The following RREB1 variants were observed in gnomAD, a reference collection of about 807,000 sequenced individuals.
The protein encoded by RREB1 is ras-responsive element-binding protein 1.
RREB1 carries 27 observed loss-of-function variants against 117.8 expected under a neutral mutation model. That is an observed-to-expected ratio of 0.23 (90% CI 0.17 to 0.32). RREB1 has a LOEUF of 0.32. Ranked by LOEUF, RREB1 falls within the 10% of genes least tolerant of loss-of-function variation. The pLI, the probability that RREB1 is intolerant of heterozygous loss-of-function variation, is 1.00. For synonymous variants in RREB1, 1,298 were observed against 1,026.7 expected (o/e 1.26, Z -5.05); for missense variants, 2,577 against 2,378.2 (o/e 1.08, Z -1.74).
intron 11 of RREB1, among the ~76,000 whole-genome samples, chr6:7,242,755 T>C (rs1027843183): frequency 6.6e-6 from 1 of 151,602 alleles, no homozygotes; most frequent in African/African-American, 2.4e-5. Flanking sequence ...TCTAGGCTTG[T>C]ATGCCTAGGT....
chr6:7,191,347 C>G (rs1194972490), intron 6 of RREB1, among the ~76,000 whole-genome samples: 1 of 151,992 alleles, frequency 6.6e-6, no homozygotes, highest in Non-Finnish European at 1.5e-5. Flanking sequence ...AAATATGATA[C>G]ATTTTACTTA....
chr6:7,116,734 A>G (rs1006155012), intron 1 of RREB1, among the ~76,000 whole-genome samples: 3 of 152,240 alleles, frequency 2.0e-5, no homozygotes, highest in African/African-American at 7.2e-5. Context: ...TTTGGTGGGA[A>G]AGAATTTTGA....
chr6:7,221,547 C>A (rs770147038), intron 8 of RREB1, among the ~76,000 whole-genome samples: 39 of 152,236 alleles, frequency 2.6e-4, no homozygotes, highest in Non-Finnish European at 4.7e-4. Flanking sequence ...GCAGAAATTT[C>A]TTCTCTGCCA....
At chr6:7,151,194 A>T (rs2113426119) in intron 1 of RREB1, among the ~76,000 whole-genome samples, 1 of 152,304 alleles carries the variant, frequency 6.6e-6, no homozygotes, top group South Asian at 2.1e-4. Flanking sequence ...TTTAATATAA[A>T]TGCAATCAGT....
At chr6:7,121,460 G>C (rs1048534769) in intron 1 of RREB1, among the ~76,000 whole-genome samples, 6 of 152,122 alleles carry the variant, frequency 3.9e-5, no homozygotes, top group African/African-American at 1.4e-4. Context: ...ACCACATAAA[G>C]TACCTCAGTG....
intron 1 of RREB1, among the ~76,000 whole-genome samples, chr6:7,144,186 CAAAT>C (rs2113399185): frequency 6.6e-6 from 1 of 151,808 alleles, no homozygotes; most frequent in East Asian, 1.9e-4. Context: ...GCTTTATGCA[CAAAT>C]AATGTTTTCA....
intron 8 of RREB1, among the ~76,000 whole-genome samples, chr6:7,224,537 A>C (rs182571476): frequency 6.6e-6 from 1 of 152,182 alleles, no homozygotes; most frequent in Non-Finnish European, 1.5e-5. Context: ...GGGTGGGAGA[A>C]GGAAGGAGCT....
intron 1 of RREB1, among the ~76,000 whole-genome samples, chr6:7,159,118 G>C (rs1344975809): frequency 1.3e-5 from 2 of 152,158 alleles, no homozygotes; most frequent in African/African-American, 2.4e-5. Flanking sequence ...GGGGGACTCA[G>C]ATTTAATGAT....
intron 1 of RREB1, among the ~76,000 whole-genome samples, chr6:7,172,639 G>A (rs1371619086): frequency 6.6e-6 from 1 of 151,898 alleles, no homozygotes; most frequent in East Asian, 1.9e-4. Context: ...GTAGGGGCCT[G>A]CTCTAAGGCT....
At chr6:7,197,465 A>G (rs1765729139) in intron 6 of RREB1, among the ~76,000 whole-genome samples, 1 of 152,206 alleles carries the variant, frequency 6.6e-6, no homozygotes, top group Non-Finnish European at 1.5e-5. Context: ...TGAGTGGATC[A>G]CTTGAGGACA....
At chr6:7,129,465 T>C (rs1283816719) in intron 1 of RREB1, among the ~76,000 whole-genome samples, 1 of 152,210 alleles carries the variant, frequency 6.6e-6, no homozygotes, top group African/African-American at 2.4e-5. Context: ...TGTGTGTCTG[T>C]GCTTTGGGTG....
chr6:7,196,981 C>A (rs959894982), intron 6 of RREB1, among the ~76,000 whole-genome samples: 2 of 152,156 alleles, frequency 1.3e-5, no homozygotes, highest in Non-Finnish European at 1.5e-5. Flanking sequence ...GTTGCTCCCA[C>A]GTTGAAAATT....
At chr6:7,222,828 T>G (rs566989601) in intron 8 of RREB1, among the ~76,000 whole-genome samples, 2 of 151,706 alleles carry the variant, frequency 1.3e-5, no homozygotes, top group Admixed American at 6.6e-5. Flanking sequence ...ACCATAGAGG[T>G]GCAGTAAATT....
At chr6:7,112,982 C>A (rs1452309022) in intron 1 of RREB1, among the ~76,000 whole-genome samples, 3 of 152,176 alleles carry the variant, frequency 2.0e-5, no homozygotes, top group Non-Finnish European at 4.4e-5. Flanking sequence ...GGTGGGACTT[C>A]AAGGGTACTG....
intron 4 of RREB1, among the ~76,000 whole-genome samples, chr6:7,184,249 C>G (rs1260969997): frequency 6.6e-6 from 1 of 151,638 alleles, no homozygotes; most frequent in Non-Finnish European, 1.5e-5. Flanking sequence ...GCTGTCTTTT[C>G]TAGTAGGTTC....
intron 1 of RREB1, among the ~76,000 whole-genome samples, chr6:7,162,608 G>A (rs1166852207): frequency 6.6e-6 from 1 of 152,098 alleles, no homozygotes; most frequent in Non-Finnish European, 1.5e-5. Flanking sequence ...AGATGTCTGA[G>A]GATGATCGTC....
At chr6:7,169,758 C>G (rs1395844827) in intron 1 of RREB1, among the ~76,000 whole-genome samples, 3 of 152,292 alleles carry the variant, frequency 2.0e-5, no homozygotes, top group South Asian at 2.1e-4. Context: ...CATTTCCTTC[C>G]TTTAAAGAAG....
chr6:7,223,099 T>G (rs1172758502), intron 8 of RREB1, among the ~76,000 whole-genome samples: 1 of 150,822 alleles, frequency 6.6e-6, no homozygotes, highest in Non-Finnish European at 1.5e-5. Context: ...TACAAAAAAT[T>G]TTAAAAATTA....
At chr6:7,156,520 C>G (rs1763371181) in intron 1 of RREB1, among the ~76,000 whole-genome samples, 1 of 152,216 alleles carries the variant, frequency 6.6e-6, no homozygotes, top group South Asian at 2.1e-4. Flanking sequence ...ACCTTCCGCA[C>G]TGAGCCACAT....
Sources: allele counts gnomAD v4.1 joint callset (sites outside exome capture counted in the v4.1 genomes callset), GRCh38; gene constraint gnomAD v4.1.1; transcripts MANE v1.5; gene names NCBI Gene and HGNC (gene_info 2026-07-23, HGNC 2026-07-21).